Variants in TMEFF2 observed in about 807,000 individuals in gnomAD.
TMEFF2 encodes transmembrane protein with EGF like and two follistatin like domains 2, also known as tomoregulin-2.
TMEFF2 carries 28 observed loss-of-function variants against 53.8 expected under a neutral mutation model. The observed-to-expected ratio is 0.52, with a 90% CI of 0.39 to 0.71. The LOEUF is 0.71. Among genes scored for constraint, TMEFF2 ranks in the 30% least tolerant of loss-of-function variants. The pLI, the probability that TMEFF2 is intolerant of heterozygous loss-of-function variation, is 0.00. For synonymous variants in TMEFF2, 162 were observed against 166.3 expected (o/e 0.97, Z 0.20); for missense variants, 353 against 455.2 (o/e 0.78, Z 2.04).
intron 8 of TMEFF2, among the ~76,000 whole-genome samples, chr2:191,955,469 T>C (rs1692045236): frequency 6.8e-6 from 1 of 147,404 alleles, no homozygotes. Flanking sequence ...CCATCTCAGC[T>C]CTCAAGTAGC....
intron 4 of TMEFF2, among the ~76,000 whole-genome samples, chr2:192,133,776 CG>C (rs1451160311): frequency 5.3e-5 from 8 of 152,072 alleles, no homozygotes; most frequent in African/African-American, 1.7e-4. Flanking sequence ...GCTGTACTGC[CG>C]CAAGGCTTCA....
intron 5 of TMEFF2, among the ~76,000 whole-genome samples, chr2:192,025,376 GT>G (rs5837273): frequency 0.091 from 13,273 of 146,098 alleles, 1,066 homozygotes; most frequent in African/African-American, 0.22. Flanking sequence ...TAACAGAAGG[GT>G]TTTTTTTTTT....
chr2:191,949,445 T>C lies in TMEFF2; in HGVS notation c.*866A>G, dbSNP rs1691801385. On this transcript the variant is annotated 3_prime_UTR_variant, in exon 10 of 10. Coordinates refer to ENST00000272771, the MANE Select transcript of TMEFF2 (RefSeq NM_016192.4). ...AAAGAACTATATACTATACATATTG[T>C]ATGGTGCTTTTGAGAATTCACGATT... The C allele has an allele frequency of 4.1e-6, 4 of 985,316 alleles. No homozygotes were observed. The highest frequency in any genetic ancestry group is 3.6e-6 in the Non-Finnish European group (3 of 829,920). The allele number at this position is 985,316 out of a possible 1,614,324, so 61.0% of individuals were successfully genotyped here.
At chr2:192,083,593 A>G (rs1318608827) in intron 4 of TMEFF2, among the ~76,000 whole-genome samples, 1 of 152,006 alleles carries the variant, frequency 6.6e-6, no homozygotes, top group Non-Finnish European at 1.5e-5. Context: ...GAGAAAAGTT[A>G]TTTCAAAGTC....
At chr2:192,102,623 GTTCT>G (rs1376646175) in intron 4 of TMEFF2, among the ~76,000 whole-genome samples, 2 of 65,362 alleles carry the variant, frequency 3.1e-5, no homozygotes, top group African/African-American at 1.1e-4. Context: ...TTCTTTTCTT[GTTCT>G]TTTTTTTTTT....
At chr2:192,008,517 G>A (rs552088370) in intron 5 of TMEFF2, among the ~76,000 whole-genome samples, 137 of 152,236 alleles carry the variant, frequency 9.0e-4, no homozygotes, top group Non-Finnish European at 1.5e-3. Flanking sequence ...ATGTGTATGT[G>A]CTTGCTCATT....
chr2:191,993,138 G>A (rs1007224812), intron 7 of TMEFF2, among the ~76,000 whole-genome samples: 1 of 152,054 alleles, frequency 6.6e-6, no homozygotes, highest in Non-Finnish European at 1.5e-5. Context: ...AAAAGGCTTT[G>A]TAAATTGCAA....
chr2:192,098,089 TGG>T (rs1259631401), intron 4 of TMEFF2, among the ~76,000 whole-genome samples: 7 of 152,224 alleles, frequency 4.6e-5, no homozygotes, highest in African/African-American at 1.7e-4. Flanking sequence ...ACAATGCTTT[TGG>T]CTAGGAAGTG....
At chr2:192,132,554 A>G (rs1273282882) in intron 4 of TMEFF2, among the ~76,000 whole-genome samples, 1 of 152,092 alleles carries the variant, frequency 6.6e-6, no homozygotes, top group African/African-American at 2.4e-5. Flanking sequence ...TTCAAGGTGT[A>G]CAATAATGAA....
chr2:192,101,633 A>G (rs1689033222), intron 4 of TMEFF2, among the ~76,000 whole-genome samples: 1 of 152,190 alleles, frequency 6.6e-6, no homozygotes, highest in Admixed American at 6.6e-5. Context: ...CAGCTGGCAA[A>G]TGGATGAGCT....
intron 4 of TMEFF2, among the ~76,000 whole-genome samples, chr2:192,103,856 A>G (rs1345247201): frequency 1.3e-5 from 2 of 151,662 alleles, no homozygotes; most frequent in Non-Finnish European, 2.9e-5. Context: ...GAGTAGAGGG[A>G]AAAAGAAAGA....
intron 3 of TMEFF2, among the ~76,000 whole-genome samples, chr2:192,180,393 T>A (rs1327030781): frequency 1.3e-5 from 2 of 151,690 alleles, no homozygotes; most frequent in Non-Finnish European, 3.0e-5. Context: ...CAAAGTTGTC[T>A]ATTTCTGGGA....
At chr2:192,081,862 C>A (rs1353798883) in intron 4 of TMEFF2, among the ~76,000 whole-genome samples, 2 of 142,034 alleles carry the variant, frequency 1.4e-5, no homozygotes, top group East Asian at 4.1e-4. Context: ...AGTGCAGTGG[C>A]GCGATCTCGG....
At chr2:192,092,113 C>T (rs1316497667) in intron 4 of TMEFF2, among the ~76,000 whole-genome samples, 2 of 152,094 alleles carry the variant, frequency 1.3e-5, no homozygotes, top group Admixed American at 1.3e-4. Flanking sequence ...TTCCAGAAGA[C>T]TGGCTAGATA....
At chr2:192,026,629 C>T (rs1162025494) in intron 5 of TMEFF2, among the ~76,000 whole-genome samples, 1 of 152,086 alleles carries the variant, frequency 6.6e-6, no homozygotes, top group Non-Finnish European at 1.5e-5. Flanking sequence ...ACTGTATTAT[C>T]TTGAGTGCAT....
chr2:192,187,041 C>G (rs1008803163), intron 2 of TMEFF2, among the ~76,000 whole-genome samples: 3 of 152,266 alleles, frequency 2.0e-5, no homozygotes, highest in Middle Eastern at 3.4e-3. Flanking sequence ...AAGAGCTTAA[C>G]TGTAGATTAC....
At chr2:191,963,915 T>C (rs972563958) in intron 7 of TMEFF2, among the ~76,000 whole-genome samples, 5 of 152,170 alleles carry the variant, frequency 3.3e-5, no homozygotes, top group Admixed American at 1.3e-4. Flanking sequence ...GTATAGCCTT[T>C]CAAGGTAGAT....
intron 4 of TMEFF2, among the ~76,000 whole-genome samples, chr2:192,120,797 C>T (rs537044942): frequency 6.6e-6 from 1 of 151,794 alleles, no homozygotes; most frequent in East Asian, 1.9e-4. Flanking sequence ...AGTGCAATGG[C>T]ACAATCTCAG....
intron 7 of TMEFF2, among the ~76,000 whole-genome samples, chr2:191,979,384 T>A (rs2105813071): frequency 6.6e-6 from 1 of 152,284 alleles, no homozygotes; most frequent in Non-Finnish European, 1.5e-5. Flanking sequence ...CACTGTGGGA[T>A]TTGATTTCAT....
Sources: gnomAD v4.1 joint callset for allele counts (sites outside exome capture counted in the v4.1 genomes callset) on GRCh38, gnomAD v4.1.1 for gene constraint, MANE v1.5 for transcripts, NCBI Gene and HGNC (gene_info 2026-07-23, HGNC 2026-07-21) for gene names.